PTAR1: variants seen among roughly 807,000 people sequenced by gnomAD.
PTAR1 encodes the protein protein prenyltransferase alpha subunit repeat containing 1.
A neutral mutation model predicts 45.5 loss-of-function variants in PTAR1; 17 were observed. That is an observed-to-expected ratio of 0.37 (90% CI 0.26 to 0.56). PTAR1 has a LOEUF of 0.56. PTAR1 is among the 20% of genes least tolerant of loss of function. The pLI, the probability that PTAR1 is intolerant of heterozygous loss-of-function variation, is 0.77. For synonymous variants in PTAR1, 169 were observed against 171.3 expected, an observed-to-expected ratio of 0.99 and a Z score of 0.11; for missense variants, 391 against 476.3, an observed-to-expected ratio of 0.82 and a Z score of 1.67.
At position 69,731,232 on chromosome 9, in the gene PTAR1, G is replaced by A. The variant is rs1366981240; in HGVS notation, c.642+907C>T. Reference sequence around the variant, plus strand: ...TGGGAGCATGGGAAGAGGGATGTAGGAAGAAGAGGGTGGTAAGTTAAAATT... The same window carrying A: ...TGGGAGCATGGGAAGAGGGATGTAGAAAGAAGAGGGTGGTAAGTTAAAATT... On this transcript the variant is annotated intron_variant, in intron 5 of 7. Coordinates refer to ENST00000340434, the MANE Select transcript of PTAR1 (RefSeq NM_001099666.2). Among the ~76,000 whole-genome samples, 3 of 152,150 alleles carry A rather than the reference G, an allele frequency of 2.0e-5. No individual in the cohort carries two copies. The East Asian group carries it at 5.8e-4, about 29-fold the overall frequency.
Position 69,711,619 on chromosome 9 carries a change from A to C in PTAR1, c.*6723T>G, listed in dbSNP as rs1298787012. ...GATAGTACTGGATATACCAATACAG[A>C]GACTGATTGCAGAAGACTACAGCAG... On this transcript the variant is annotated 3_prime_UTR_variant, in exon 8 of 8. Coordinates refer to ENST00000340434, the MANE Select transcript of PTAR1 (RefSeq NM_001099666.2). 6.6e-6 allele frequency: 1 copy of C among 152,214 alleles called. No homozygotes were observed. The highest frequency in any genetic ancestry group is 1.5e-5 in the Non-Finnish European group (1 of 68,028). The allele number at this position is 152,214 out of a possible 1,614,324, so 9.4% of individuals were successfully genotyped here. A position where few individuals can be genotyped will look rare whatever the true frequency, so the allele number is the denominator to read the frequency against.
At chr9:69,728,458 C>A (rs989978063) in intron 5 of PTAR1, among the ~76,000 whole-genome samples, 2 of 152,160 alleles carry the variant, frequency 1.3e-5, no homozygotes, top group African/African-American at 2.4e-5. Context: ...TTCTTACCAG[C>A]CATAAATAAG....
At position 69,754,532 on chromosome 9, in the gene PTAR1, C is replaced by CTTTTTTTTTTTTTTT. The variant is rs60025062; in HGVS notation, c.87-3597_87-3583dup. Reference sequence around the variant, plus strand: ...GCTATTAACATGTTTGGGTATATATCTTTTTTTTTTTTTTTTTTTTTTTCC... The same window carrying CTTTTTTTTTTTTTTT: ...GCTATTAACATGTTTGGGTATATATCTTTTTTTTTTTTTTTTTTTTTTTTTTTTTTTTTTTTTTCC... On this transcript the variant is annotated intron_variant, in intron 1 of 7. Transcript: ENST00000340434. Among the ~76,000 whole-genome samples, 20 of 76,262 alleles carry CTTTTTTTTTTTTTTT rather than the reference C, an allele frequency of 2.6e-4. 2 individuals are homozygous for CTTTTTTTTTTTTTTT. Among genetic ancestry groups the CTTTTTTTTTTTTTTT allele is most frequent in the East Asian group, 8.1e-4 (2 of 2,472 alleles). 50.0% of individuals were successfully genotyped at this position (76,262 alleles called of 152,430 possible).
chr9:69,751,432 TATGAA>T (rs1199013472), intron 1 of PTAR1, among the ~76,000 whole-genome samples: 3 of 151,884 alleles, frequency 2.0e-5, no homozygotes, highest in Non-Finnish European at 4.4e-5. Context: ...TGCCAAGATA[TATGAA>T]ATGAAAACAA....
intron 1 of PTAR1, chr9:69,757,611 G>A (rs961721840): frequency 2.0e-5 from 3 of 152,132 alleles, no homozygotes; most frequent in Non-Finnish European, 2.9e-5. Flanking sequence ...CAAAGTCAAT[G>A]TATTTAATGA....
At chr9:69,741,268 T>C (rs1309635039) in intron 3 of PTAR1, among the ~76,000 whole-genome samples, 1 of 152,198 alleles carries the variant, frequency 6.6e-6, no homozygotes, top group Non-Finnish European at 1.5e-5. Flanking sequence ...AAATCTAACA[T>C]GTCCCAATCT....
chr9:69,723,596 C>T lies in PTAR1; in HGVS notation c.677G>A (p.Trp226Ter). Residue 226 changes from tryptophan (W) to a stop codon, truncating the protein, a stop_gained, in exon 6 of 8, where the codon TGG becomes TAG. Transcript: ENST00000340434. LOFTEE classifies it high-confidence loss of function. The part of the protein sequence containing the change: ...LLDELSSTKH[W>*]ASMHVSDHSG... ...GTGGTCTGAAACGTGCATAGATGCC[C>T]AATGTTTAGTAGAAGATAGTTCATC... 1.9e-6 allele frequency: 3 copies of T among 1,613,422 alleles called. No homozygotes were observed. The highest frequency in any genetic ancestry group is 2.5e-6 in the Non-Finnish European group (3 of 1,179,592).
At position 69,728,707 on chromosome 9, in the gene PTAR1, C is replaced by T. The variant is rs1025757889; in HGVS notation, c.642+3432G>A. Among the ~76,000 whole-genome samples the T allele has an allele frequency of 7.2e-5, 11 of 152,186 alleles. No individual in the cohort carries two copies. In the East Asian group the frequency reaches 1.9e-3, roughly 27 times the overall value. On this transcript the variant is annotated intron_variant, in intron 5 of 7. Transcript: ENST00000340434. ...TAAACTGCCTGACTGTGAATCTTTC[C>T]TGCCACACTACCCTCAAATATAAAA...
intron 5 of PTAR1, among the ~76,000 whole-genome samples, chr9:69,726,916 T>C (rs1014965073): frequency 2.6e-5 from 4 of 151,900 alleles, no homozygotes; most frequent in Admixed American, 2.0e-4. Flanking sequence ...AACTGATTTT[T>C]TAAATTCTTT....
At chr9:69,721,633 T>C (rs1410171167) in intron 6 of PTAR1, among the ~76,000 whole-genome samples, 1 of 152,148 alleles carries the variant, frequency 6.6e-6, no homozygotes, top group Non-Finnish European at 1.5e-5. Flanking sequence ...TCAAACTTCA[T>C]TGCAATCTTA....
At chr9:69,739,274 C>T (rs890760602) in intron 3 of PTAR1, among the ~76,000 whole-genome samples, 1 of 152,016 alleles carries the variant, frequency 6.6e-6, no homozygotes, top group East Asian at 1.9e-4. Context: ...TGGAGTTTGG[C>T]ATCAACTATT....
intron 1 of PTAR1, among the ~76,000 whole-genome samples, chr9:69,752,407 T>A (rs966356521): frequency 9.2e-5 from 14 of 152,192 alleles, no homozygotes; most frequent in Admixed American, 2.6e-4. Context: ...ACTTCATTAG[T>A]GGCACAGGGA....
At chr9:69,722,754 C>T (rs1167311487) in intron 6 of PTAR1, among the ~76,000 whole-genome samples, 1 of 151,726 alleles carries the variant, frequency 6.6e-6, no homozygotes, top group Admixed American at 6.6e-5. Context: ...GCCTGGCCAA[C>T]ATGGTGAAAT....
intron 2 of PTAR1, among the ~76,000 whole-genome samples, chr9:69,742,341 A>G (rs766635761): frequency 5.9e-5 from 9 of 152,144 alleles, no homozygotes; most frequent in Admixed American, 2.6e-4. Context: ...ATTTTTACAT[A>G]GGTATAGCAA....
chr9:69,710,826 T>C lies in PTAR1; in HGVS notation c.*7516A>G, dbSNP rs748665469. On this transcript the variant is annotated 3_prime_UTR_variant, in exon 8 of 8. Transcript: ENST00000340434. ...ATGCCTGACCCTGCACCATAGATTA[T>C]ATATGTAACTTTTCCATTTAAACAT... 2 of 152,124 alleles carry C rather than the reference T, an allele frequency of 1.3e-5. No homozygotes were observed. The highest frequency in any genetic ancestry group is 1.5e-5 in the Non-Finnish European group (1 of 68,022). 9.4% of individuals were successfully genotyped at this position (152,124 alleles called of 1,614,324 possible). A position where few individuals can be genotyped will look rare whatever the true frequency, so the allele number is the denominator to read the frequency against.
intron 1 of PTAR1, chr9:69,757,070 GTATTT>G (rs895712723): frequency 2.6e-5 from 4 of 152,294 alleles, no homozygotes; most frequent in Admixed American, 2.0e-4. Context: ...TTCAAGAACT[GTATTT>G]TAAACTTCTA....
rs1322569283 is a variant in PTAR1 at position 69,712,921 on chromosome 9, G to A, written c.*5421C>T. The A allele has an allele frequency of 1.3e-5, 2 of 152,054 alleles. No homozygotes were observed. The highest frequency in any genetic ancestry group is 4.8e-5 in the African/African-American group (2 of 41,422). The allele number at this position is 152,054 out of a possible 1,614,324, so 9.4% of individuals were successfully genotyped here. On this transcript the variant is annotated 3_prime_UTR_variant, in exon 8 of 8. Transcript: ENST00000340434. ...AGTCACAGAATATCTACTAGCTACT[G>A]TACTGGTAATAGTTTATAAAAAATA...
rs1290088340 is a variant in PTAR1 at position 69,718,586 on chromosome 9, T to A, written c.983-18A>T. 1.2e-6 allele frequency: 2 copies of A among 1,613,568 alleles called. No homozygotes were observed. The highest frequency in any genetic ancestry group is 8.5e-7 in the Non-Finnish European group (1 of 1,179,656). ...GGAGCCTGCTGGGATAAGGTGCAAG[T>A]CACTCAAAGTCCCCCCAGGGCTGTC... is the stretch of plus-strand genomic sequence containing the variant. On this transcript the variant is annotated intron_variant, in intron 7 of 7. Transcript: ENST00000340434.
chr9:69,740,119 AG>A (rs1470320062), intron 3 of PTAR1, among the ~76,000 whole-genome samples: 1 of 152,088 alleles, frequency 6.6e-6, no homozygotes, highest in East Asian at 1.9e-4. Flanking sequence ...ATGAATCTTA[AG>A]GCCAGGATTT....
Sources: gnomAD v4.1 joint callset for allele counts (sites outside exome capture counted in the v4.1 genomes callset) on GRCh38, gnomAD v4.1.1 for gene constraint, MANE v1.5 for transcripts, NCBI Gene and HGNC (gene_info 2026-07-23, HGNC 2026-07-21) for gene names.